Variants in STRN3 observed in about 807,000 individuals in gnomAD.
STRN3 encodes the protein striatin-3.
Under a neutral mutation model 95.6 loss-of-function variants are expected in STRN3, and 29 were observed. The ratio of observed to expected loss-of-function variants is 0.30; its 90% CI spans 0.23 to 0.41. The LOEUF (loss-of-function observed/expected upper bound fraction) is 0.41. Among genes scored for constraint, STRN3 ranks in the 10% least tolerant of loss-of-function variants. STRN3 has a pLI of 1.00. For missense variants in STRN3, 890 were observed against 972.1 expected, an observed-to-expected ratio of 0.92 and a Z score of 1.12; for synonymous variants, 331 against 357.6, an observed-to-expected ratio of 0.93 and a Z score of 0.84.
chr14:30,958,253 G>A (rs1412025631), intron 1 of STRN3, among the ~76,000 whole-genome samples: 1 of 152,146 alleles, frequency 6.6e-6, no homozygotes, highest in African/African-American at 2.4e-5. Flanking sequence ...TGAGGCTAGA[G>A]TGAGCTACGA....
rs760378843 is a variant in STRN3, at chr14:30,950,956, GA to G, written c.461-13del. 2.6e-5 allele frequency: 41 copies of G among 1,590,564 alleles called. No homozygotes were observed. Among genetic ancestry groups the G allele is most frequent in the Non-Finnish European group, 3.1e-5 (36 of 1,171,238 alleles). On this transcript the variant is annotated splice_polypyrimidine_tract_variant and intron_variant, in intron 3 of 17. Transcript: ENST00000357479. The stretch of plus-strand genomic sequence containing the variant: ...GTCTTTGGTTTCTTCTAAAAATTAA[GA>G]AAAAAAAAGTTTTACATACTTTATT...
At position 30,973,309 on chromosome 14, in the gene STRN3, C is replaced by A. The variant is rs1196578529; in HGVS notation, c.283-17067G>T. 6.8e-5 allele frequency among the ~76,000 whole-genome samples: 9 copies of A among 132,568 alleles called. No individual in the cohort carries two copies. The South Asian group carries it at 1.4e-3, about 20-fold the overall frequency. The allele number at this position is 132,568 out of a possible 152,430, so 87.0% of individuals were successfully genotyped here. A position where few individuals can be genotyped will look rare whatever the true frequency, so the allele number is the denominator to read the frequency against. On this transcript the variant is annotated intron_variant, in intron 1 of 17. Coordinates refer to ENST00000357479, the MANE Select transcript of STRN3 (RefSeq NM_001083893.2). ...GCAAAAGTCAAATCTTTGAAAAGAT[C>A]AAAAAAACTGACAACCCTTTAGGTG...
At chr14:30,933,177 A>G (rs1198489660) in intron 7 of STRN3, among the ~76,000 whole-genome samples, 1 of 149,168 alleles carries the variant, frequency 6.7e-6, no homozygotes, top group Non-Finnish European at 1.5e-5. Context: ...TATTCAGGAG[A>G]CTGAGGTGGG....
At chr14:30,943,600 A>G (rs1879197021) in intron 5 of STRN3, among the ~76,000 whole-genome samples, 1 of 152,186 alleles carries the variant, frequency 6.6e-6, no homozygotes, top group Non-Finnish European at 1.5e-5. Context: ...ACACCATTCA[A>G]AACAACACTA....
chr14:30,902,523 AC>A lies in STRN3; in HGVS notation c.2137+12del. ...ACAGTATTACTAATATGAAAAGAAG[AC>A]AATTTGCTTACCCGTTTTATTGTCA... On this transcript the variant is annotated intron_variant, in intron 16 of 17. Coordinates refer to ENST00000357479, the MANE Select transcript of STRN3 (RefSeq NM_001083893.2). The A allele has an allele frequency of 6.6e-7, 1 of 1,519,854 alleles. No homozygotes were observed. Among genetic ancestry groups the A allele is most frequent in the African/African-American group, 1.4e-5 (1 of 72,074 alleles). 94.1% of individuals were successfully genotyped at this position (1,519,854 alleles called of 1,614,324 possible).
chr14:31,010,381 TC>T (rs1882916543), intron 1 of STRN3, among the ~76,000 whole-genome samples: 1 of 80,502 alleles, frequency 1.2e-5, no homozygotes, highest in African/African-American at 5.0e-5. Flanking sequence ...CCCTCCCCCC[TC>T]CCCCCACCCC....
chr14:30,906,726 A>G, intron 14 of STRN3, 151 bp downstream of exon 14: 1 of 861,886 alleles, frequency 1.2e-6, no homozygotes, highest in Non-Finnish European at 1.7e-6. Context: ...AGCACTTCAA[A>G]AAAATGAGTA....
chr14:30,966,232 T>A (rs1231791821), intron 1 of STRN3, among the ~76,000 whole-genome samples: 1 of 152,210 alleles, frequency 6.6e-6, no homozygotes, highest in South Asian at 2.1e-4. Context: ...GCATCAGGGA[T>A]AAGAACCCCT....
At chr14:30,946,085 G>T (rs1879346387) in intron 5 of STRN3, among the ~76,000 whole-genome samples, 1 of 152,106 alleles carries the variant, frequency 6.6e-6, no homozygotes, top group Non-Finnish European at 1.5e-5. Context: ...TCACGCTAGG[G>T]TCTAAATAAC....
intron 1 of STRN3, among the ~76,000 whole-genome samples, chr14:31,007,892 C>T (rs776375206): frequency 1.3e-5 from 2 of 151,932 alleles, no homozygotes; most frequent in East Asian, 1.9e-4. Flanking sequence ...ACCCTGTCTC[C>T]GAAGTAAATA....
intron 1 of STRN3, among the ~76,000 whole-genome samples, chr14:31,022,773 G>A (rs531604296): frequency 5.3e-5 from 8 of 152,206 alleles, no homozygotes; most frequent in South Asian, 4.1e-4. Flanking sequence ...ATGGCTAGGT[G>A]ACCTTGGCAA....
At chr14:30,912,249 T>TC in intron 10 of STRN3, 67 bp from the exon 11 acceptor site, 1 of 1,490,678 alleles carries the variant, frequency 6.7e-7, no homozygotes, top group Non-Finnish European at 9.0e-7. Context: ...GAGTGTTTGT[T>TC]CGTTTCTTTT....
At chr14:30,905,018 G>A (rs1459891123) in intron 15 of STRN3, among the ~76,000 whole-genome samples, 3 of 148,908 alleles carry the variant, frequency 2.0e-5, no homozygotes, top group Non-Finnish European at 4.5e-5. Flanking sequence ...GATGAAGAGA[G>A]ACCTGAGAGA....
intron 1 of STRN3, among the ~76,000 whole-genome samples, chr14:31,012,185 T>C (rs1295883672): frequency 6.6e-6 from 1 of 152,248 alleles, no homozygotes; most frequent in East Asian, 1.9e-4. Context: ...GTTACCCTTA[T>C]CCATTGTTAC....
intron 1 of STRN3, among the ~76,000 whole-genome samples, chr14:31,010,599 A>G (rs1331237932): frequency 6.6e-6 from 1 of 152,178 alleles, no homozygotes; most frequent in African/African-American, 2.4e-5. Context: ...TACTTTTTTC[A>G]TATAGCTGAT....
chr14:31,011,712 T>C (rs1027158737), intron 1 of STRN3, among the ~76,000 whole-genome samples: 3 of 152,168 alleles, frequency 2.0e-5, no homozygotes, highest in South Asian at 2.1e-4. Flanking sequence ...CAGTTACATA[T>C]GTAAAATAGA....
At chr14:30,931,341 G>A (rs1878527231) in intron 7 of STRN3, among the ~76,000 whole-genome samples, 1 of 151,908 alleles carries the variant, frequency 6.6e-6, no homozygotes, top group Admixed American at 6.6e-5. Context: ...AATCTAGGGG[G>A]AAAAAATACC....
chr14:30,966,917 G>A lies in STRN3; in HGVS notation c.283-10675C>T, dbSNP rs116955260. Among the ~76,000 whole-genome samples, 218 of 152,210 alleles carry A rather than the reference G, an allele frequency of 1.4e-3. 2 individuals are homozygous for A. In the East Asian group the frequency reaches 0.023, roughly 16 times the overall value. Reference sequence around the variant, plus strand: ...CAGCACAAGTGGGAAGTGTGCAAAGGACCTTCAGAAGGGGAAAGGGGGGAA... The same window carrying A: ...CAGCACAAGTGGGAAGTGTGCAAAGAACCTTCAGAAGGGGAAAGGGGGGAA... On this transcript the variant is annotated intron_variant, in intron 1 of 17. Transcript: ENST00000357479.
chr14:30,953,520 T>C (rs1257655387), intron 3 of STRN3, among the ~76,000 whole-genome samples: 2 of 152,254 alleles, frequency 1.3e-5, no homozygotes, highest in Non-Finnish European at 2.9e-5. Flanking sequence ...ACTGTTCTAG[T>C]TGTTTCCAGA....
Sources: allele counts gnomAD v4.1 joint callset (sites outside exome capture counted in the v4.1 genomes callset), GRCh38; gene constraint gnomAD v4.1.1; transcripts MANE v1.5; gene names NCBI Gene and HGNC (gene_info 2026-07-23, HGNC 2026-07-21).